Variants in CNGA3 observed in about 807,000 individuals in gnomAD.
CNGA3 encodes the protein cyclic nucleotide-gated channel alpha-3.
A neutral mutation model predicts 46.6 loss-of-function variants in CNGA3; 42 were observed. The ratio of observed to expected loss-of-function variants is 0.90; its 90% CI spans 0.70 to 1.17. The LOEUF is 1.17. CNGA3 is among the 50% of genes most tolerant of loss of function. CNGA3 has a pLI of 0.00. For synonymous variants in CNGA3, 394 were observed against 369.4 expected, an observed-to-expected ratio of 1.07 and a Z score of -0.76; for missense variants, 893 against 890.7, an observed-to-expected ratio of 1.00 and a Z score of -0.03.
At chr2:98,392,068 T>A (rs1692803461) in intron 7 of CNGA3, 98 bp downstream of exon 7, 2 of 1,092,376 alleles carry the variant, frequency 1.8e-6, no homozygotes, top group Admixed American at 1.9e-5. Context: ...CCCTTGACCA[T>A]GAGAGGCCAG....
In CNGA3 at chr2:98,389,733, C is replaced by T. The variant is rs751565950; in HGVS notation, c.525C>T (p.Ile175=). The change falls in exon 6 of 8, where the codon ATC becomes ATT. Residue 175 remains isoleucine, a synonymous_variant. Transcript: ENST00000272602. ...SNLYYRWLTA[I]ALPVFYNWYL... The stretch of plus-strand genomic sequence containing the variant: ...TGTACTACCGCTGGCTGACCGCCAT[C>T]GCCCTGCCTGTCTTCTATAACTGGT... 3.3e-5 allele frequency: 53 copies of T among 1,613,582 alleles called. No homozygotes were observed. The highest frequency in any genetic ancestry group is 1.8e-4 in the Middle Eastern group (1 of 5,534).
At chr2:98,383,317 C>A in intron 4 of CNGA3, 71 bp from the exon 5 acceptor site, 1 of 1,414,062 alleles carries the variant, frequency 7.1e-7, no homozygotes, top group Non-Finnish European at 1.0e-6. Context: ...GCATGGTAAT[C>A]CCCTGGTGAA....
rs751611132 is a variant in CNGA3, at chr2:98,367,167, G to GTTTATTTTCTTTT, written c.-37-2769_-37-2768insATTTTCTTTTTTT. Among the ~76,000 whole-genome samples the GTTTATTTTCTTTT allele has an allele frequency of 1.2e-3, 126 of 101,578 alleles. 12 individuals are homozygous for GTTTATTTTCTTTT. Among genetic ancestry groups the GTTTATTTTCTTTT allele is most frequent in the Admixed American group, 2.0e-3 (18 of 9,128 alleles). 66.6% of individuals were successfully genotyped at this position (101,578 alleles called of 152,430 possible). ...TTGGTGAGAACCTCTGACATCAGCTGTTTTTTTTCTTTTTTTTCTTTTTTT... is the reference window on the plus strand; with the variant it reads ...TTGGTGAGAACCTCTGACATCAGCTGTTTATTTTCTTTTTTTTTTTTCTTTTTTTTCTTTTTTT... On this transcript the variant is annotated intron_variant, in intron 1 of 7. Transcript: ENST00000272602.
rs777509481 is a variant in CNGA3 at position 98,370,042 on chromosome 2, C to G, written c.67C>G (p.Arg23Gly). 1 of 1,613,944 alleles carries G rather than the reference C, an allele frequency of 6.2e-7. No individual in the cohort carries two copies. Among genetic ancestry groups the G allele is most frequent in the Non-Finnish European group, 8.5e-7 (1 of 1,179,948 alleles). The change falls in exon 2 of 8, where the codon CGA becomes GGA. Residue 23 changes from arginine to glycine, a missense_variant. By Grantham distance (125) the Arg-to-Gly change is moderately radical (BLOSUM62 -2). Transcript: ENST00000272602. ...RTHLKVKTSD[R>G]DLNRAENGLS... is the part of the protein sequence containing the mutation. ...CCACCTCAAGGTAAAGACCTCAGAC[C>G]GAGATCTCAATCGCGCTGAAAATGG... is the stretch of plus-strand genomic sequence containing the variant.
At position 98,397,387 on chromosome 2, in the gene CNGA3, C is replaced by A; in HGVS notation, c.*132C>A. On this transcript the variant is annotated 3_prime_UTR_variant, in exon 8 of 8. Coordinates refer to ENST00000272602, the MANE Select transcript of CNGA3 (RefSeq NM_001298.3). ...TCACCCTTTGAAAGCTGTGTGACTGCCTGAGAGAACCTGTTTCTTCACCTA... is the reference window on the plus strand; with the variant it reads ...TCACCCTTTGAAAGCTGTGTGACTGACTGAGAGAACCTGTTTCTTCACCTA... 2 of 894,104 alleles carry A rather than the reference C, an allele frequency of 2.2e-6. No individual in the cohort carries two copies. Among genetic ancestry groups the A allele is most frequent in the Admixed American group, 2.2e-5 (1 of 45,686 alleles). 55.4% of individuals were successfully genotyped at this position (894,104 alleles called of 1,614,324 possible).
chr2:98,394,560 C>CTGT (rs1159520495), intron 7 of CNGA3, among the ~76,000 whole-genome samples: 1 of 152,216 alleles, frequency 6.6e-6, no homozygotes, highest in Non-Finnish European at 1.5e-5. Context: ...CCAGCTCCAG[C>CTGT]TGTTATCAGC....
At position 98,396,004 on chromosome 2, in the gene CNGA3, A is replaced by C. The variant is rs764148681; in HGVS notation, c.834A>C (p.Leu278=). The C allele has an allele frequency of 6.2e-6, 10 of 1,614,242 alleles. No individual in the cohort carries two copies. The highest frequency in any genetic ancestry group is 8.5e-6 in the Non-Finnish European group (10 of 1,180,038). The change falls in exon 8 of 8, where the codon CTA becomes CTC. Residue 278 remains leucine, a synonymous_variant. Transcript: ENST00000272602. ...TNYPEVRFNR[L]LKFSRLFEFF... Reference sequence around the variant, plus strand: ...ACCCAGAAGTGAGGTTCAACCGCCTACTGAAGTTTTCCCGGCTCTTTGAAT... The same window carrying C: ...ACCCAGAAGTGAGGTTCAACCGCCTCCTGAAGTTTTCCCGGCTCTTTGAAT...
chr2:98,354,827 T>C (rs951206608), intron 1 of CNGA3, among the ~76,000 whole-genome samples: 1 of 152,206 alleles, frequency 6.6e-6, no homozygotes, highest in African/African-American at 2.4e-5. Context: ...ATTCTTTAGA[T>C]TGCTTTTTTA....
chr2:98,385,876 C>G (rs1692643363), intron 5 of CNGA3, among the ~76,000 whole-genome samples: 1 of 152,020 alleles, frequency 6.6e-6, no homozygotes, highest in Non-Finnish European at 1.5e-5. Context: ...GGGGTAGGTG[C>G]CGTAAACAAC....
In CNGA3 at chr2:98,397,189, G is replaced by A. The variant is rs763564632; in HGVS notation, c.2019G>A (p.Gly673=). The change falls in exon 8 of 8, where the codon GGG becomes GGA. Residue 673 remains glycine (G), a synonymous_variant. Coordinates refer to ENST00000272602, the MANE Select transcript of CNGA3 (RefSeq NM_001298.3). ...TGGAAAGCCAGGTGAAGGGTGGTGG[G>A]GACAAGCCCCTGGCTGATGGGGAAG... ...SQLESQVKGG[G]DKPLADGEVP... 1.9e-5 allele frequency: 31 copies of A among 1,614,128 alleles called. No homozygotes were observed. In the South Asian group the frequency reaches 3.2e-4, roughly 17 times the overall value.
intron 1 of CNGA3, among the ~76,000 whole-genome samples, chr2:98,366,952 G>A (rs941437681): frequency 3.3e-5 from 5 of 152,088 alleles, no homozygotes; most frequent in Non-Finnish European, 7.4e-5. Context: ...TTCCTGGGTA[G>A]GGTAGCACAA....
intron 7 of CNGA3, among the ~76,000 whole-genome samples, chr2:98,393,947 T>C (rs891585608): frequency 1.3e-5 from 2 of 150,910 alleles, no homozygotes; most frequent in African/African-American, 4.9e-5. Context: ...AAGTGGGGTG[T>C]TCTTTGTTGT....
At chr2:98,371,877 C>T (rs922934135) in intron 2 of CNGA3, among the ~76,000 whole-genome samples, 1 of 152,188 alleles carries the variant, frequency 6.6e-6, no homozygotes, top group African/African-American at 2.4e-5. Flanking sequence ...TGAGGCACAG[C>T]ATAACATCAC....
At chr2:98,377,628 T>G in intron 2 of CNGA3, 59 bp from the exon 3 acceptor site, 1 of 1,457,288 alleles carries the variant, frequency 6.9e-7, no homozygotes, top group Admixed American at 1.9e-5. Context: ...CTCCTGGCTG[T>G]GTCCAGGAGG....
At chr2:98,392,594 G>GA (rs370346780) in intron 7 of CNGA3, among the ~76,000 whole-genome samples, 7 of 150,428 alleles carry the variant, frequency 4.7e-5, no homozygotes, top group South Asian at 2.1e-4. Flanking sequence ...GAAAAGAAAA[G>GA]AAAAAAAAAG....
intron 1 of CNGA3, among the ~76,000 whole-genome samples, chr2:98,367,611 T>C (rs1208633781): frequency 6.6e-6 from 1 of 152,146 alleles, no homozygotes; most frequent in Non-Finnish European, 1.5e-5. Context: ...GGAATCATTC[T>C]CTTTCTCTAA....
chr2:98,391,710 G>A (rs907994342), intron 6 of CNGA3, among the ~76,000 whole-genome samples, 154 bp from the exon 7 acceptor site: 2 of 152,142 alleles, frequency 1.3e-5, no homozygotes, highest in Non-Finnish European at 2.9e-5. Flanking sequence ...CATCAGAAGC[G>A]GGGGTGATTA....
intron 6 of CNGA3, 26 bp downstream of exon 6, chr2:98,389,800 G>A: frequency 1.3e-6 from 2 of 1,588,772 alleles, no homozygotes; most frequent in Non-Finnish European, 1.7e-6. Context: ...GGAAGGTGCA[G>A]CGGAAAGGGG....
At chr2:98,372,596 G>A (rs1692312726) in intron 2 of CNGA3, among the ~76,000 whole-genome samples, 1 of 152,142 alleles carries the variant, frequency 6.6e-6, no homozygotes, top group Non-Finnish European at 1.5e-5. Flanking sequence ...CAACTGACCT[G>A]CTATGAAAAG....
Sources: gnomAD v4.1 joint callset for allele counts (sites outside exome capture counted in the v4.1 genomes callset) on GRCh38, gnomAD v4.1.1 for gene constraint, MANE v1.5 for transcripts, NCBI Gene and HGNC (gene_info 2026-07-23, HGNC 2026-07-21) for gene names.